Variants in TRPC4 observed in about 807,000 individuals in gnomAD.
TRPC4 encodes the protein transient receptor potential cation channel subfamily C member 4.
TRPC4 carries 49 observed loss-of-function variants against 99.4 expected under a neutral mutation model. The ratio of observed to expected loss-of-function variants is 0.49; its 90% confidence interval spans 0.39 to 0.63. TRPC4 has a LOEUF of 0.63. Among genes scored for constraint, TRPC4 ranks in the 20% least tolerant of loss-of-function variants. The pLI, the probability that TRPC4 is intolerant of heterozygous loss-of-function variation, is 0.00. For synonymous variants in TRPC4, 454 were observed against 425.9 expected (o/e 1.07, Z -0.81); for missense variants, 898 against 1,152.9 (o/e 0.78, Z 3.20).
rs1411005468 is a variant in TRPC4, at chr13:37,692,312, T to C, written c.921A>G (p.Gln307=). ...QKEFVAQPNC[Q]QLLASRWYDE... is the part of the protein sequence containing the mutation. ...CGTACCAGCGAGATGCCAGCAGCTG[T>C]TGACAATTGGGCTGGGCAACAAACT... Residue 307 remains glutamine (Q), a synonymous_variant, in exon 4 of 11, where the codon CAA becomes CAG. Transcript: ENST00000379705. 3 of 1,613,760 alleles carry C rather than the reference T, an allele frequency of 1.9e-6. No homozygotes were observed. Among genetic ancestry groups the C allele is most frequent in the Admixed American group, 3.3e-5 (2 of 59,994 alleles).
intron 8 of TRPC4, among the ~76,000 whole-genome samples, chr13:37,643,984 T>C (rs1340718527): frequency 6.6e-6 from 1 of 152,174 alleles, no homozygotes; most frequent in Non-Finnish European, 1.5e-5. Flanking sequence ...TCGCCTTAAC[T>C]AAGTATGTCT....
At chr13:37,811,278 G>A (rs201047568) in intron 1 of TRPC4, among the ~76,000 whole-genome samples, 1 of 151,992 alleles carries the variant, frequency 6.6e-6, no homozygotes, top group Non-Finnish European at 1.5e-5. Flanking sequence ...CCAGCCAAGA[G>A]AATACACTCC....
intron 3 of TRPC4, among the ~76,000 whole-genome samples, chr13:37,712,160 C>A (rs972443892): frequency 2.6e-5 from 4 of 152,072 alleles, no homozygotes; most frequent in African/African-American, 9.7e-5. Flanking sequence ...GAACCCTCAA[C>A]AGGTCTATTC....
rs1397619213 is a variant in TRPC4 at position 37,746,068 on chromosome 13, G to A, written c.766C>T (p.Leu256=). The A allele has an allele frequency of 6.2e-7, 1 of 1,613,920 alleles. No homozygotes were observed. Among genetic ancestry groups the A allele is most frequent in the African/African-American group, 1.3e-5 (1 of 75,036 alleles). ...RQCKQFAKDL[L]DQTRSSRELE... is the part of the protein sequence containing the mutation. ...TCTCTGGAACTTCTCGTCTGATCCA[G>A]TAGGTCCTTAGCAAATTGTTTGCAC... Residue 256 remains leucine, a synonymous_variant, in exon 3 of 11, where the codon CTG becomes TTG. Transcript: ENST00000379705.
chr13:37,731,648 C>T (rs1045730729), intron 3 of TRPC4, among the ~76,000 whole-genome samples: 12 of 151,892 alleles, frequency 7.9e-5, no homozygotes, highest in Non-Finnish European at 1.3e-4. Context: ...ATTTGTTGGA[C>T]CAGATGAATG....
chr13:37,747,506 G>A (rs954255276), intron 2 of TRPC4, among the ~76,000 whole-genome samples: 20 of 151,658 alleles, frequency 1.3e-4, no homozygotes, highest in African/African-American at 4.8e-4. Flanking sequence ...AGTTAAACAG[G>A]CATGGCAAAA....
intron 1 of TRPC4, among the ~76,000 whole-genome samples, chr13:37,819,952 T>C (rs1235586003): frequency 6.6e-6 from 1 of 150,466 alleles, no homozygotes; most frequent in Non-Finnish European, 1.5e-5. Flanking sequence ...AAATCAGAGA[T>C]GAACCAAAGG....
chr13:37,773,708 A>G (rs1956622745), intron 2 of TRPC4, among the ~76,000 whole-genome samples: 2 of 151,780 alleles, frequency 1.3e-5, no homozygotes, highest in Non-Finnish European at 2.9e-5. Context: ...TAAGATAACA[A>G]TCTAGAATGA....
At chr13:37,787,205 C>CT (rs1271681550) in intron 1 of TRPC4, among the ~76,000 whole-genome samples, 3 of 151,830 alleles carry the variant, frequency 2.0e-5, no homozygotes, top group African/African-American at 7.3e-5. Flanking sequence ...ATGAATTTCC[C>CT]TGAACAACAT....
intron 1 of TRPC4, among the ~76,000 whole-genome samples, chr13:37,797,092 A>T (rs1220650913): frequency 6.6e-6 from 1 of 151,626 alleles, no homozygotes; most frequent in Non-Finnish European, 1.5e-5. Context: ...ACACAGGAGG[A>T]TTGCTTTAGC....
At chr13:37,656,187 C>T (rs983476303) in intron 6 of TRPC4, among the ~76,000 whole-genome samples, 2 of 151,992 alleles carry the variant, frequency 1.3e-5, no homozygotes, top group African/African-American at 4.8e-5. Context: ...ACTATCTGAA[C>T]TCAAATGGAG....
At chr13:37,711,643 T>C (rs752299104) in intron 3 of TRPC4, among the ~76,000 whole-genome samples, 11 of 152,018 alleles carry the variant, frequency 7.2e-5, no homozygotes, top group Non-Finnish European at 1.5e-4. Flanking sequence ...AATACAGTAA[T>C]CTGTAAAGAG....
chr13:37,865,545 C>T (rs947600317), intron 1 of TRPC4, among the ~76,000 whole-genome samples: 3 of 151,616 alleles, frequency 2.0e-5, no homozygotes, highest in East Asian at 1.9e-4. Context: ...TTATCTCTTG[C>T]TCTGCTTCAA....
intron 6 of TRPC4, among the ~76,000 whole-genome samples, chr13:37,662,033 G>A (rs1233382114): frequency 2.0e-5 from 3 of 152,166 alleles, no homozygotes; most frequent in African/African-American, 7.2e-5. Flanking sequence ...TGGAAGGCCG[G>A]CGAAGTGGCT....
In TRPC4 at chr13:37,823,740, G is replaced by C. The variant is rs1283216422; in HGVS notation, c.-27-40380C>G. Among the ~76,000 whole-genome samples, 3 of 147,614 alleles carry C rather than the reference G, an allele frequency of 2.0e-5. No homozygotes were observed. The East Asian group carries it at 6.2e-4, about 31-fold the overall frequency. The stretch of plus-strand genomic sequence containing the variant: ...AGCTTTGTTCTTTTGGCTTAGGATT[G>C]ACTTGGCGATGCGGGCTCTTTTTTG... On this transcript the variant is annotated intron_variant, in intron 1 of 10. Transcript: ENST00000379705.
At position 37,733,700 on chromosome 13, in the gene TRPC4, G is replaced by A. The variant is rs570963057; in HGVS notation, c.897+12237C>T. Among the ~76,000 whole-genome samples, 4 of 152,066 alleles carry A rather than the reference G, an allele frequency of 2.6e-5. No homozygotes were observed. The East Asian group carries it at 7.8e-4, about 29-fold the overall frequency. Reference sequence around the variant, plus strand: ...GTCTTTGTGTTTTTTCCTAATTTCAGCTTCTGCCCACCCGGATTTATGATC... The same window carrying A: ...GTCTTTGTGTTTTTTCCTAATTTCAACTTCTGCCCACCCGGATTTATGATC... On this transcript the variant is annotated intron_variant, in intron 3 of 10. Coordinates refer to ENST00000379705, the MANE Select transcript of TRPC4 (RefSeq NM_016179.4).
chr13:37,647,379 T>C (rs1951884928), intron 8 of TRPC4, among the ~76,000 whole-genome samples: 1 of 152,150 alleles, frequency 6.6e-6, no homozygotes. Context: ...GGGCAGAAGG[T>C]AAACCAGCCT....
intron 1 of TRPC4, among the ~76,000 whole-genome samples, chr13:37,821,682 T>C (rs1958015126): frequency 6.6e-6 from 1 of 152,138 alleles, no homozygotes; most frequent in Non-Finnish European, 1.5e-5. Flanking sequence ...ATCTGGTCAT[T>C]GATAAAGTTA....
chr13:37,708,886 G>A (rs1175924090), intron 3 of TRPC4, among the ~76,000 whole-genome samples: 1 of 151,498 alleles, frequency 6.6e-6, no homozygotes, highest in Non-Finnish European at 1.5e-5. Context: ...CTACCTTCTC[G>A]GCAGGTTGAA....
Sources: allele counts gnomAD v4.1 joint callset (sites outside exome capture counted in the v4.1 genomes callset), GRCh38; gene constraint gnomAD v4.1.1; transcripts MANE v1.5; gene names NCBI Gene and HGNC (gene_info 2026-07-23, HGNC 2026-07-21).